The following TTC29 variants were observed in gnomAD, a reference collection of about 807,000 sequenced individuals.
TTC29 encodes tetratricopeptide repeat protein 29.
In TTC29, 49 loss-of-function variants were observed where a neutral mutation model predicts 58.1. The ratio of observed to expected loss-of-function variants is 0.84; its 90% CI spans 0.67 to 1.07. The LOEUF (loss-of-function observed/expected upper bound fraction) is 1.07, where lower values mean the gene tolerates loss of function less well. TTC29 is among the 50% of genes least tolerant of loss of function. The pLI, the probability that TTC29 is intolerant of heterozygous loss-of-function variation, is 0.00. For synonymous variants in TTC29, 209 were observed against 196.8 expected (o/e 1.06, Z -0.52); for missense variants, 582 against 555.6 (o/e 1.05, Z -0.48).
At chr4:146,857,594 C>T (rs771833421) in intron 8 of TTC29, among the ~76,000 whole-genome samples, 1 of 152,076 alleles carries the variant, frequency 6.6e-6, no homozygotes, top group African/African-American at 2.4e-5. Flanking sequence ...GGCTTGTCTG[C>T]ATGTTATATA....
chr4:146,732,408 C>T (rs185189043), intron 11 of TTC29, among the ~76,000 whole-genome samples: 24 of 152,182 alleles, frequency 1.6e-4, no homozygotes, highest in Middle Eastern at 6.8e-3. Flanking sequence ...TTTATGAACA[C>T]TAGACAGAAA....
chr4:146,892,454 G>T (rs890417885), intron 6 of TTC29, among the ~76,000 whole-genome samples: 32 of 152,170 alleles, frequency 2.1e-4, no homozygotes, highest in Non-Finnish European at 1.2e-4. Flanking sequence ...CTCAATAGAT[G>T]CAGAAAAGGC....
intron 11 of TTC29, among the ~76,000 whole-genome samples, chr4:146,738,434 A>T (rs1744880727): frequency 6.6e-6 from 1 of 152,184 alleles, no homozygotes; most frequent in African/African-American, 2.4e-5. Context: ...GGAAGCCTAC[A>T]AACCTGAGTG....
chr4:146,932,159 A>T (rs1436301363), intron 4 of TTC29, among the ~76,000 whole-genome samples: 2 of 152,142 alleles, frequency 1.3e-5, no homozygotes, highest in Non-Finnish European at 2.9e-5. Context: ...TCCCATCTGC[A>T]TTCTCTGTAA....
chr4:146,891,446 T>C (rs1253390090), intron 6 of TTC29, among the ~76,000 whole-genome samples: 1 of 152,166 alleles, frequency 6.6e-6, no homozygotes, highest in Admixed American at 6.5e-5. Flanking sequence ...ACTTCTGCTT[T>C]GGGGGACAGT....
At chr4:146,862,092 A>T (rs1456768753) in intron 8 of TTC29, among the ~76,000 whole-genome samples, 1 of 152,190 alleles carries the variant, frequency 6.6e-6, no homozygotes, top group African/African-American at 2.4e-5. Context: ...ACAGGTGAAG[A>T]CAATGTTGGT....
At chr4:146,904,287 T>C (rs1461597546) in intron 5 of TTC29, among the ~76,000 whole-genome samples, 4 of 152,214 alleles carry the variant, frequency 2.6e-5, no homozygotes, top group Admixed American at 2.6e-4. Flanking sequence ...TTTCAAGCAA[T>C]GTTTCTAGCA....
intron 11 of TTC29, among the ~76,000 whole-genome samples, chr4:146,797,936 C>G (rs890425468): frequency 1.3e-5 from 2 of 150,772 alleles, no homozygotes; most frequent in East Asian, 3.9e-4. Context: ...AGTTGACCCA[C>G]AGTTCTCTGA....
At chr4:146,882,520 C>T (rs192021196) in intron 6 of TTC29, among the ~76,000 whole-genome samples, 204 of 151,964 alleles carry the variant, frequency 1.3e-3, no homozygotes, top group African/African-American at 4.7e-3. Context: ...TAAAAAGTGT[C>T]GATAGGTATA....
intron 11 of TTC29, among the ~76,000 whole-genome samples, chr4:146,767,963 C>T (rs183619769): frequency 6.6e-6 from 1 of 152,070 alleles, no homozygotes; most frequent in Admixed American, 6.6e-5. Flanking sequence ...TCTTCTAGGT[C>T]CATTTTCATT....
At position 146,777,011 on chromosome 4, in the gene TTC29, C is replaced by T. The variant is rs985270446; in HGVS notation, c.1330+26446G>A. Among the ~76,000 whole-genome samples, 5 of 151,242 alleles carry T rather than the reference C, an allele frequency of 3.3e-5. No individual in the cohort carries two copies. In the East Asian group the frequency reaches 5.9e-4, roughly 18 times the overall value. On this transcript the variant is annotated intron_variant, in intron 11 of 12. Coordinates refer to ENST00000325106, the MANE Select transcript of TTC29 (RefSeq NM_031956.4). Reference sequence around the variant, plus strand: ...GCGTTCACACTGGCGGTGGTGGTGGCGGTGGTGCAGGGAGGGGTGGGGTTA... The same window carrying T: ...GCGTTCACACTGGCGGTGGTGGTGGTGGTGGTGCAGGGAGGGGTGGGGTTA...
intron 11 of TTC29, among the ~76,000 whole-genome samples, chr4:146,798,913 A>G (rs1171721864): frequency 2.0e-5 from 3 of 149,702 alleles, no homozygotes; most frequent in African/African-American, 7.4e-5. Context: ...AAAAAAAAAA[A>G]GACTACAAAA....
intron 6 of TTC29, among the ~76,000 whole-genome samples, chr4:146,883,949 T>C (rs1731806750): frequency 6.6e-6 from 1 of 152,146 alleles, no homozygotes; most frequent in Admixed American, 6.6e-5. Flanking sequence ...TGTTTAAAGA[T>C]ATATCAGACT....
chr4:146,837,549 T>G lies in TTC29; in HGVS notation c.886-3652A>C, dbSNP rs150489649. On this transcript the variant is annotated intron_variant, in intron 8 of 12. Coordinates refer to ENST00000325106, the MANE Select transcript of TTC29 (RefSeq NM_031956.4). ...TACTGTTTTATAGTAGGCAACTTTA[T>G]CTGCTTAAAGCAGGTAAGGTATAAC... Among the ~76,000 whole-genome samples, 342 of 152,256 alleles carry G rather than the reference T, an allele frequency of 2.2e-3. 2 individuals carry two copies. Among genetic ancestry groups the G allele is most frequent in the African/African-American group, 8.0e-3 (333 of 41,552 alleles).
rs756868139 is a variant in TTC29, at chr4:146,844,627, C to T, written c.886-10730G>A. 2.6e-5 allele frequency among the ~76,000 whole-genome samples: 4 copies of T among 152,012 alleles called. No individual in the cohort carries two copies. The South Asian group carries it at 6.2e-4, about 24-fold the overall frequency. On this transcript the variant is annotated intron_variant, in intron 8 of 12. Coordinates refer to ENST00000325106, the MANE Select transcript of TTC29 (RefSeq NM_031956.4). ...AACTCCTGGGCTCATGCAATCCACC[C>T]GCCTTGGCCTCTCACAGTGCTGGAA...
Position 146,874,785 on chromosome 4 carries a change from T to C in TTC29, c.730A>G (p.Met244Val), listed in dbSNP as rs1469691527. The C allele has an allele frequency of 1.9e-6, 3 of 1,611,750 alleles. No homozygotes were observed. Among genetic ancestry groups the C allele is most frequent in the African/African-American group, 1.3e-5 (1 of 74,984 alleles). ...LRTYRLLSDK[M>V]LENKEYKQAI... ...TGTTTGTATTCTTTATTTTCTAGCA[T>C]TTTGTCTGAGAGTAATCTGTAAGTC... is the stretch of plus-strand genomic sequence containing the variant. The change falls in exon 7 of 13, where the codon ATG (methionine) becomes GTG (valine). Residue 244 changes from methionine (M) to valine (V), a missense_variant. Met to Val is a conservative substitution (Grantham distance 21). Transcript: ENST00000325106.
chr4:146,721,929 A>G (rs1743387804), intron 11 of TTC29, among the ~76,000 whole-genome samples: 1 of 152,190 alleles, frequency 6.6e-6, no homozygotes, highest in Admixed American at 6.5e-5. Context: ...CTCTGCCAAA[A>G]GGCTCCTGGA....
intron 11 of TTC29, among the ~76,000 whole-genome samples, chr4:146,716,675 A>G (rs1159927015): frequency 1.3e-5 from 2 of 152,172 alleles, no homozygotes; most frequent in African/African-American, 2.4e-5. Flanking sequence ...TACAGTATCC[A>G]GTCCAAATAT....
chr4:146,776,447 T>A (rs1748100024), intron 11 of TTC29, among the ~76,000 whole-genome samples: 1 of 152,092 alleles, frequency 6.6e-6, no homozygotes, highest in Non-Finnish European at 1.5e-5. Flanking sequence ...GATGTTTTTT[T>A]TTTTTTCTTT....
Sources: allele counts gnomAD v4.1 joint callset (sites outside exome capture counted in the v4.1 genomes callset), GRCh38; gene constraint gnomAD v4.1.1; transcripts MANE v1.5; gene names NCBI Gene and HGNC (gene_info 2026-07-23, HGNC 2026-07-21).